Variants in SLC5A4 observed in about 807,000 individuals in gnomAD.
SLC5A4 encodes the protein probable glucose sensor protein SLC5A4.
In SLC5A4, 55 loss-of-function variants were observed where a neutral mutation model predicts 70.3. The ratio of observed to expected loss-of-function variants is 0.78; its 90% CI spans 0.63 to 0.98. The LOEUF is 0.98. SLC5A4 is among the 50% of genes least tolerant of loss of function. The probability of loss-of-function intolerance (pLI) is 0.00; values close to 1 mark genes in which losing one functional copy is unlikely to be tolerated. For synonymous variants in SLC5A4, 268 were observed against 305.7 expected (o/e 0.88, Z 1.29); for missense variants, 735 against 839.2 (o/e 0.88, Z 1.53).
chr22:32,231,200 A>G, intron 9 of SLC5A4, 125 bp from the exon 10 acceptor site: 1 of 672,698 alleles, frequency 1.5e-6, no homozygotes, highest in East Asian at 2.7e-5. Context: ...CTGGAGATTC[A>G]ATTTTGAACT....
At chr22:32,275,155 A>G in the SLC5A4 span, among the ~76,000 whole-genome samples, 1 of 152,246 alleles carries the variant, frequency 6.6e-6, no homozygotes, top group Non-Finnish European at 1.5e-5. Context: ...GATACAAAAG[A>G]AAAATCGACT....
chr22:32,221,438 T>G (rs532917960), intron 13 of SLC5A4, among the ~76,000 whole-genome samples: 8 of 152,220 alleles, frequency 5.3e-5, no homozygotes, highest in Non-Finnish European at 8.8e-5. Flanking sequence ...TTAAATTCTA[T>G]TTCTGGATCC....
the SLC5A4 span, among the ~76,000 whole-genome samples, chr22:32,320,862 C>A: frequency 6.6e-6 from 1 of 152,212 alleles, no homozygotes; most frequent in Non-Finnish European, 1.5e-5. Context: ...GCGAAGGGGA[C>A]TCACCACCAT....
At chr22:32,352,566 C>T in the SLC5A4 span, among the ~76,000 whole-genome samples, 18 of 152,212 alleles carry the variant, frequency 1.2e-4, no homozygotes, top group Non-Finnish European at 2.5e-4. Context: ...GCAGGAGATG[C>T]GGGGAAGACT....
At chr22:32,286,883 A>G in the SLC5A4 span, among the ~76,000 whole-genome samples, 34 of 152,234 alleles carry the variant, frequency 2.2e-4, no homozygotes, top group Non-Finnish European at 1.5e-4. Context: ...CTGCTTCCAG[A>G]TGCCAACTAA....
the SLC5A4 span, among the ~76,000 whole-genome samples, chr22:32,320,628 C>T: frequency 2.0e-5 from 3 of 152,338 alleles, no homozygotes; most frequent in Non-Finnish European, 2.9e-5. Context: ...GCCACTTACA[C>T]GCTGAGCCCT....
chr22:32,329,529 G>C, the SLC5A4 span, among the ~76,000 whole-genome samples: 3 of 150,244 alleles, frequency 2.0e-5, no homozygotes, highest in Non-Finnish European at 3.0e-5. Context: ...GTGTTTCTTG[G>C]GGGGGCTCTG....
chr22:32,334,400 G>A, the SLC5A4 span, among the ~76,000 whole-genome samples: 1 of 152,058 alleles, frequency 6.6e-6, no homozygotes, highest in South Asian at 2.1e-4. Flanking sequence ...CGTCCTCAGT[G>A]TGCCCCTCCA....
intron 8 of SLC5A4, among the ~76,000 whole-genome samples, chr22:32,234,657 C>T (rs1018343150): frequency 6.6e-6 from 1 of 152,100 alleles, no homozygotes; most frequent in Non-Finnish European, 1.5e-5. Flanking sequence ...TGAGATCATG[C>T]CACTGCACTC....
chr22:32,277,410 G>T, the SLC5A4 span, among the ~76,000 whole-genome samples: 1 of 152,048 alleles, frequency 6.6e-6, no homozygotes, highest in Admixed American at 6.6e-5. Context: ...GTGCATAATC[G>T]AATTCATAGA....
the SLC5A4 span, among the ~76,000 whole-genome samples, chr22:32,324,094 G>C: frequency 6.6e-6 from 1 of 152,066 alleles, no homozygotes; most frequent in Non-Finnish European, 1.5e-5. Flanking sequence ...CAGGCTGGTG[G>C]ACCCAGGAGG....
the SLC5A4 span, chr22:32,272,181 C>CAGG: frequency 4.1e-6 from 3 of 733,358 alleles, no homozygotes; most frequent in East Asian, 5.1e-5. Context: ...CTGCCTCATG[C>CAGG]AGGAGGAGGA....
chr22:32,307,757 G>C, the SLC5A4 span, among the ~76,000 whole-genome samples: 3 of 152,330 alleles, frequency 2.0e-5, no homozygotes, highest in Middle Eastern at 0.01. Context: ...TCTTCCGGAG[G>C]GGACAGGGCA....
chr22:32,234,817 TACAG>T, intron 8 of SLC5A4, 52 bp downstream of exon 8: 2 of 1,291,784 alleles, frequency 1.5e-6, no homozygotes, highest in Admixed American at 1.7e-5. Context: ...CATGCACACA[TACAG>T]ACACACAGAC....
chr22:32,339,039 C>T, the SLC5A4 span, among the ~76,000 whole-genome samples: 3 of 152,198 alleles, frequency 2.0e-5, no homozygotes, highest in East Asian at 1.9e-4. Flanking sequence ...ACATGGAATC[C>T]GGACAACTCG....
Position 32,230,903 on chromosome 22 carries a change from A to G in SLC5A4, c.1129+65T>C, listed in dbSNP as rs114381092. On this transcript the variant is annotated intron_variant, in intron 10 of 14. Coordinates refer to ENST00000266086, the MANE Select transcript of SLC5A4 (RefSeq NM_014227.3). ...ATGGAAGGTGCAAGAATTGCACCAT[A>G]ACCCTTCCTCGAGGCCCGTCTTAGA... is the stretch of plus-strand genomic sequence containing the variant. The G allele has an allele frequency of 2.4e-3, 2,295 of 958,034 alleles. 19 individuals are homozygous for G. The African/African-American group carries it at 0.026, about 11-fold the overall frequency. The allele number at this position is 958,034 out of a possible 1,614,324, so 59.3% of individuals were successfully genotyped here.
At chr22:32,228,050 C>T (rs528631730) in intron 11 of SLC5A4, among the ~76,000 whole-genome samples, 1 of 152,262 alleles carries the variant, frequency 6.6e-6, no homozygotes, top group Admixed American at 6.5e-5. Context: ...GCTATAGCAT[C>T]ACAAGTCACA....
At chr22:32,309,328 C>T in the SLC5A4 span, among the ~76,000 whole-genome samples, 1 of 152,192 alleles carries the variant, frequency 6.6e-6, no homozygotes, top group Non-Finnish European at 1.5e-5. Context: ...TGCAAAGCAG[C>T]CTCGAATGCA....
the SLC5A4 span, among the ~76,000 whole-genome samples, chr22:32,351,767 T>TGGGGG: frequency 2.7e-5 from 1 of 36,672 alleles, no homozygotes; most frequent in African/African-American, 8.4e-5. Flanking sequence ...GGTGGGCGGG[T>TGGGGG]GGAATACAAT....
Sources: gnomAD v4.1 joint callset for allele counts (sites outside exome capture counted in the v4.1 genomes callset) on GRCh38, gnomAD v4.1.1 for gene constraint, MANE v1.5 for transcripts, NCBI Gene and HGNC (gene_info 2026-07-23, HGNC 2026-07-21) for gene names.